Variants in TMEM229B observed in about 807,000 individuals in gnomAD.
TMEM229B encodes transmembrane protein 229B, also known as chromosome 14 open reading frame 83.
In TMEM229B, 6 loss-of-function variants were observed where a neutral mutation model predicts 13.7. The observed-to-expected ratio is 0.44, with a 90% CI of 0.24 to 0.86. The LOEUF is 0.86. TMEM229B is among the 40% of genes least tolerant of loss of function. The pLI, the probability that TMEM229B is intolerant of heterozygous loss-of-function variation, is 0.23. For synonymous variants in TMEM229B, 107 were observed against 102.1 expected, an observed-to-expected ratio of 1.05 and a Z score of -0.29; for missense variants, 170 against 236.0, an observed-to-expected ratio of 0.72 and a Z score of 1.83.
intron 1 of TMEM229B, among the ~76,000 whole-genome samples, chr14:67,530,467 T>C (rs1278225791): frequency 6.6e-6 from 1 of 152,196 alleles, no homozygotes; most frequent in Non-Finnish European, 1.5e-5. Context: ...ATTGACTCTG[T>C]AGGAATTTAT....
intron 1 of TMEM229B, among the ~76,000 whole-genome samples, chr14:67,529,818 C>A (rs1052006674): frequency 2.6e-5 from 4 of 152,200 alleles, no homozygotes; most frequent in South Asian, 2.1e-4. Context: ...AGGCAGAGAG[C>A]AGAAGCCTGG....
At chr14:67,474,265 C>CAA (rs142238210) in intron 2 of TMEM229B, among the ~76,000 whole-genome samples, 13,553 of 144,662 alleles carry the variant, frequency 0.094, 836 homozygotes, top group African/African-American at 0.17. Context: ...AAAAACAAAA[C>CAA]AAAAAAAAAA....
intron 1 of TMEM229B, among the ~76,000 whole-genome samples, chr14:67,526,057 T>A (rs868786198): frequency 6.6e-6 from 1 of 152,250 alleles, no homozygotes; most frequent in Admixed American, 6.5e-5. Flanking sequence ...GACCTGTCTG[T>A]CAGCTCTACC....
upstream of TMEM229B, among the ~76,000 whole-genome samples, chr14:67,492,615 A>AT: frequency 6.6e-6 from 1 of 152,346 alleles, no homozygotes; most frequent in Non-Finnish European, 1.5e-5. Context: ...GGAGGCAGAA[A>AT]GAAGCCCAGC....
At chr14:67,504,206 G>A (rs1388733515) in intron 1 of TMEM229B, among the ~76,000 whole-genome samples, 1 of 151,584 alleles carries the variant, frequency 6.6e-6, no homozygotes, top group East Asian at 1.9e-4. Flanking sequence ...TAGAGATGAG[G>A]TTTCACTGTG....
chr14:67,505,945 C>T (rs547751741), intron 1 of TMEM229B, among the ~76,000 whole-genome samples: 44 of 152,278 alleles, frequency 2.9e-4, no homozygotes, highest in Non-Finnish European at 4.7e-4. Flanking sequence ...GGGTATCCGT[C>T]CATCTCAGCC....
intron 1 of TMEM229B, among the ~76,000 whole-genome samples, chr14:67,528,752 GTGTTGTAA>G (rs1278547519): frequency 2.0e-5 from 3 of 152,058 alleles, no homozygotes; most frequent in Non-Finnish European, 4.4e-5. Context: ...GCATTGATAT[GTGTTGTAA>G]TTACATCAGT....
At chr14:67,517,223 C>T (rs1266353802), upstream of TMEM229B, among the ~76,000 whole-genome samples, 2 of 152,140 alleles carry the variant, frequency 1.3e-5, no homozygotes, top group African/African-American at 2.4e-5. Flanking sequence ...CCCCTTGCCA[C>T]GAAGGCATAG....
chr14:67,508,753 C>CAAAAAAAAAAAAAAAAAAAAAA lies in TMEM229B; in HGVS notation c.-192+6332_-192+6333insTTTTTTTTTTTTTTTTTTTTTT, dbSNP rs757183130. On this transcript the variant is annotated intron_variant, in intron 1 of 2. Transcript: ENST00000357461. Reference sequence around the variant, plus strand: ...TGGGTGACAGAGCAAAACCTTGTCTCAAAAAAAAAAAAAAAAAACAGAAGA... The same window carrying CAAAAAAAAAAAAAAAAAAAAAA: ...TGGGTGACAGAGCAAAACCTTGTCTCAAAAAAAAAAAAAAAAAAAAAAAAAAAAAAAAAAAAAAAACAGAAGA... 3.2e-3 allele frequency among the ~76,000 whole-genome samples: 148 copies of CAAAAAAAAAAAAAAAAAAAAAA among 46,550 alleles called. 10 individuals carry two copies. Among genetic ancestry groups the CAAAAAAAAAAAAAAAAAAAAAA allele is most frequent in the Non-Finnish European group, 4.5e-3 (95 of 21,238 alleles). The allele number at this position is 46,550 out of a possible 152,430, so 30.5% of individuals were successfully genotyped here. A position where few individuals can be genotyped will look rare whatever the true frequency, so the allele number is the denominator to read the frequency against.
rs79012017 is a variant in TMEM229B, at chr14:67,497,518, C to T, written c.-191-10346G>A. On this transcript the variant is annotated intron_variant, in intron 1 of 2. Transcript: ENST00000357461. ...CACCTGGAATGCAATTCCCACGTGA[C>T]CAACAAAAGAACTCTCCCACATGAC... 6.2e-4 allele frequency among the ~76,000 whole-genome samples: 95 copies of T among 152,168 alleles called. 1 individual carries two copies. The East Asian group carries it at 0.016, about 26-fold the overall frequency.
At chr14:67,505,794 C>T (rs1405405237) in intron 1 of TMEM229B, among the ~76,000 whole-genome samples, 1 of 152,012 alleles carries the variant, frequency 6.6e-6, no homozygotes, top group African/African-American at 2.4e-5. Context: ...GCAACCTCTG[C>T]CTCCAGGGTT....
intron 1 of TMEM229B, among the ~76,000 whole-genome samples, chr14:67,532,703 C>T (rs1187075240): frequency 6.6e-6 from 1 of 152,204 alleles, no homozygotes; most frequent in Non-Finnish European, 1.5e-5. Flanking sequence ...GTAAGTTACT[C>T]TCTGGGCTGT....
chr14:67,512,266 C>T (rs748164012), intron 1 of TMEM229B, among the ~76,000 whole-genome samples: 20 of 152,172 alleles, frequency 1.3e-4, no homozygotes, highest in Non-Finnish European at 2.4e-4. Flanking sequence ...TACCCCTTCC[C>T]TAGAAATCAG....
In TMEM229B at chr14:67,508,753, C is replaced by CAAAAAAAAAAAA. The variant is rs757183130; in HGVS notation, c.-192+6321_-192+6332dup. ...TGGGTGACAGAGCAAAACCTTGTCT[C>CAAAAAAAAAAAA]AAAAAAAAAAAAAAAAAACAGAAGA... On this transcript the variant is annotated intron_variant, in intron 1 of 2. Coordinates refer to the TMEM229B transcript ENST00000357461. Among the ~76,000 whole-genome samples the CAAAAAAAAAAAA allele has an allele frequency of 3.4e-4, 16 of 46,696 alleles. 1 individual carries two copies. The highest frequency in any genetic ancestry group is 9.4e-4 in the South Asian group (1 of 1,066). The allele number at this position is 46,696 out of a possible 152,430, so 30.6% of individuals were successfully genotyped here. A position where few individuals can be genotyped will look rare whatever the true frequency, so the allele number is the denominator to read the frequency against.
intron 2 of TMEM229B, among the ~76,000 whole-genome samples, chr14:67,482,217 CG>C (rs1566677476): frequency 6.6e-6 from 1 of 152,090 alleles, no homozygotes; most frequent in African/African-American, 2.4e-5. Context: ...AGCATCTCAC[CG>C]GCTGCTCTCC....
At chr14:67,489,761 C>T (rs532042389), upstream of TMEM229B, among the ~76,000 whole-genome samples, 35 of 152,298 alleles carry the variant, frequency 2.3e-4, 1 homozygote, top group South Asian at 4.8e-3. Flanking sequence ...GAGGCCGAGG[C>T]GGGCGGATCA....
chr14:67,475,113 C>T (rs2031099917), intron 2 of TMEM229B, among the ~76,000 whole-genome samples: 1 of 152,108 alleles, frequency 6.6e-6, no homozygotes, highest in Non-Finnish European at 1.5e-5. Flanking sequence ...CGAGGTTTCA[C>T]CATGTTGCCC....
upstream of TMEM229B, among the ~76,000 whole-genome samples, chr14:67,516,619 T>C (rs2140261160): frequency 8.1e-6 from 1 of 123,848 alleles, no homozygotes; most frequent in Middle Eastern, 4.2e-3. Flanking sequence ...TCTGATCCTG[T>C]GTCTTCCCCT....
chr14:67,528,289 C>A (rs1466036129), intron 1 of TMEM229B, among the ~76,000 whole-genome samples: 2 of 152,188 alleles, frequency 1.3e-5, no homozygotes, highest in Non-Finnish European at 2.9e-5. Context: ...AGCATGAAAA[C>A]CCATTGTCTA....
Sources: gnomAD v4.1 joint callset for allele counts (sites outside exome capture counted in the v4.1 genomes callset) on GRCh38, gnomAD v4.1.1 for gene constraint, MANE v1.5 for transcripts, NCBI Gene and HGNC (gene_info 2026-07-23, HGNC 2026-07-21) for gene names.